Variants in ACO1 observed in about 807,000 individuals in gnomAD.
ACO1 encodes cytoplasmic aconitate hydratase.
In ACO1, 78 loss-of-function variants were observed where a neutral mutation model predicts 105.1. The ratio of observed to expected loss-of-function variants is 0.74; its 90% CI spans 0.62 to 0.90. ACO1 has a LOEUF of 0.90. Ranked by LOEUF, ACO1 falls within the 40% of genes least tolerant of loss-of-function variation. The pLI, the probability that ACO1 is intolerant of heterozygous loss-of-function variation, is 0.00. For synonymous variants in ACO1, 364 were observed against 397.4 expected (o/e 0.92, Z 1.00); for missense variants, 965 against 1,111.1 (o/e 0.87, Z 1.87).
At chr9:32,397,851 T>C (rs1407291611) in intron 1 of ACO1, among the ~76,000 whole-genome samples, 1 of 152,176 alleles carries the variant, frequency 6.6e-6, no homozygotes, top group African/African-American at 2.4e-5. Flanking sequence ...CATAGACTTT[T>C]TAAATCCACT....
chr9:32,391,516 A>AGTAAGGCTGTTTGTACATGAGTGCTG (rs1821266984), intron 1 of ACO1, among the ~76,000 whole-genome samples: 2 of 152,222 alleles, frequency 1.3e-5, no homozygotes, highest in African/African-American at 4.8e-5. Flanking sequence ...TAGATGAATT[A>AGTAAGGCTGTTTGTACATGAGTGCTG]GTAAGGCTGT....
At chr9:32,444,446 G>A (rs1266025501) in intron 19 of ACO1, among the ~76,000 whole-genome samples, 1 of 152,176 alleles carries the variant, frequency 6.6e-6, no homozygotes, top group Non-Finnish European at 1.5e-5. Context: ...CACCAACAGT[G>A]TAAAAGCATT....
At position 32,415,035 on chromosome 9, in the gene ACO1, G is replaced by C. The variant is rs144917360; in HGVS notation, c.405-3093G>C. Among the ~76,000 whole-genome samples, 748 of 152,142 alleles carry C rather than the reference G, an allele frequency of 4.9e-3. 6 individuals are homozygous for C. Among genetic ancestry groups the C allele is most frequent in the African/African-American group, 0.017 (704 of 41,494 alleles). ...TCTGGATCCTGAGCCTGTTTACCAA[G>C]GAGAGAAGAGCTGAAAAAGACCTTC... On this transcript the variant is annotated intron_variant, in intron 4 of 20. Coordinates refer to ENST00000309951, the MANE Select transcript of ACO1 (RefSeq NM_002197.3).
chr9:32,436,329 A>T lies in ACO1; in HGVS notation c.2179A>T (p.Ile727Phe). The change falls in exon 18 of 21, where the codon ATT (isoleucine) becomes TTT (phenylalanine). Residue 727 changes from isoleucine (I) to phenylalanine (F), a missense_variant. By Grantham distance (21) the Ile-to-Phe change is conservative (BLOSUM62 0). Coordinates refer to ENST00000309951, the MANE Select transcript of ACO1 (RefSeq NM_002197.3). ...CATGGCACGGGGAACATTTGCCAAC[A>T]TTCGCTTGTTAAACAGATTTTTGAA... ...AVMARGTFAN[I>F]RLLNRFLNKQ... The T allele has an allele frequency of 6.2e-7, 1 of 1,614,202 alleles. No individual in the cohort carries two copies. Among genetic ancestry groups the T allele is most frequent in the Non-Finnish European group, 8.5e-7 (1 of 1,180,016 alleles).
intron 9 of ACO1, 89 bp downstream of exon 9, chr9:32,423,508 A>G (rs778118946): frequency 2.3e-5 from 21 of 893,902 alleles, no homozygotes; most frequent in Non-Finnish European, 3.7e-5. Context: ...ATGCGCTAGT[A>G]GGAAATTAGT....
At chr9:32,395,009 C>G (rs1476822737) in intron 1 of ACO1, among the ~76,000 whole-genome samples, 1 of 152,156 alleles carries the variant, frequency 6.6e-6, no homozygotes, top group Non-Finnish European at 1.5e-5. Flanking sequence ...TTTCTAATTC[C>G]TAATTCCTAA....
chr9:32,442,558 A>G (rs1822505851), intron 19 of ACO1, among the ~76,000 whole-genome samples: 1 of 152,164 alleles, frequency 6.6e-6, no homozygotes, highest in Non-Finnish European at 1.5e-5. Flanking sequence ...GCTTAATATC[A>G]AGACTATATT....
chr9:32,447,152 G>GAAGA (rs906302763), intron 19 of ACO1, among the ~76,000 whole-genome samples: 6 of 152,176 alleles, frequency 3.9e-5, no homozygotes, highest in Admixed American at 3.9e-4. Context: ...ATAATATCCT[G>GAAGA]AAGAATGTTT....
In ACO1 at chr9:32,423,175, TA is replaced by T. The variant is rs1185157958; in HGVS notation, c.971-139del. The T allele has an allele frequency of 8.2e-5, 43 of 521,826 alleles. 1 individual carries two copies. Among genetic ancestry groups the T allele is most frequent in the African/African-American group, 7.7e-4 (38 of 49,230 alleles). The allele number at this position is 521,826 out of a possible 1,614,324, so 32.3% of individuals were successfully genotyped here. A position where few individuals can be genotyped will look rare whatever the true frequency, so the allele number is the denominator to read the frequency against. On this transcript the variant is annotated intron_variant, in intron 8 of 20. Coordinates refer to ENST00000309951, the MANE Select transcript of ACO1 (RefSeq NM_002197.3). ...GAGTCAAACCATTAGCCTGGAAGCC[TA>T]AAAATTGACAGAGCTGTTGGTGTGT...
At chr9:32,423,480 G>C in intron 9 of ACO1, 61 bp downstream of exon 9, 3 of 1,178,818 alleles carry the variant, frequency 2.5e-6, no homozygotes, top group Non-Finnish European at 2.5e-6. Flanking sequence ...GATTTTAGTG[G>C]TGGTTTTTCT....
intron 8 of ACO1, 61 bp from the exon 9 acceptor site, chr9:32,423,258 A>T: frequency 1.0e-6 from 1 of 955,242 alleles, no homozygotes; most frequent in Admixed American, 2.6e-5. Context: ...GTATCAGTTT[A>T]TAAACTTCAA....
chr9:32,430,393 C>A (rs780742814), intron 13 of ACO1, 25 bp from the exon 14 acceptor site: 2 of 1,597,678 alleles, frequency 1.3e-6, no homozygotes, highest in Non-Finnish European at 1.7e-6. Flanking sequence ...TTTTAGTGAC[C>A]TGATTTTTCT....
At chr9:32,388,308 C>T (rs576469315) in intron 1 of ACO1, among the ~76,000 whole-genome samples, 87 of 152,262 alleles carry the variant, frequency 5.7e-4, no homozygotes, top group Admixed American at 1.6e-3. Context: ...GAGTCCAGAT[C>T]GCTTGAGCCC....
Position 32,434,454 on chromosome 9 carries a change from G to C in ACO1, c.1957-105G>C, listed in dbSNP as rs1442238248. 6.6e-6 allele frequency: 9 copies of C among 1,357,010 alleles called. No individual in the cohort carries two copies. The Admixed American group carries it at 1.7e-4, about 25-fold the overall frequency. The allele number at this position is 1,357,010 out of a possible 1,614,324, so 84.1% of individuals were successfully genotyped here. On this transcript the variant is annotated intron_variant, in intron 16 of 20. Transcript: ENST00000309951. ...CTAGAATTTTCTGTGCATTGGTGTG[G>C]AACTGTCCTCTGATTCAGGTCCATG...
chr9:32,403,243 T>G (rs1253591178), intron 1 of ACO1, among the ~76,000 whole-genome samples: 1 of 152,212 alleles, frequency 6.6e-6, no homozygotes, highest in African/African-American at 2.4e-5. Flanking sequence ...TGCGGTATGC[T>G]TATCTGTACA....
chr9:32,409,621 C>T (rs1022231441), intron 4 of ACO1, among the ~76,000 whole-genome samples: 5 of 152,044 alleles, frequency 3.3e-5, no homozygotes, highest in African/African-American at 4.8e-5. Flanking sequence ...AAGGCTGAGG[C>T]AGGAGGATCG....
intron 11 of ACO1, among the ~76,000 whole-genome samples, chr9:32,427,041 T>TA (rs1241854393): frequency 7.3e-5 from 11 of 151,646 alleles, no homozygotes; most frequent in Admixed American, 2.0e-4. Flanking sequence ...TTTATCTCTT[T>TA]AAAAAAAAAG....
chr9:32,446,171 C>T (rs1362807875), intron 19 of ACO1, among the ~76,000 whole-genome samples: 3 of 152,182 alleles, frequency 2.0e-5, no homozygotes, highest in African/African-American at 7.2e-5. Flanking sequence ...TCCTTGTTAA[C>T]TTTCTGTCTT....
intron 3 of ACO1, 59 bp downstream of exon 3, chr9:32,407,488 T>G: frequency 6.5e-7 from 1 of 1,530,180 alleles, no homozygotes; most frequent in Non-Finnish European, 8.8e-7. Context: ...CAAGAAAGTT[T>G]TCTTTTAAAC....
Sources: gnomAD v4.1 joint callset for allele counts (sites outside exome capture counted in the v4.1 genomes callset) on GRCh38, gnomAD v4.1.1 for gene constraint, MANE v1.5 for transcripts, NCBI Gene and HGNC (gene_info 2026-07-23, HGNC 2026-07-21) for gene names.